TGM3: variants seen among roughly 807,000 people sequenced by gnomAD.
TGM3 encodes the protein protein-glutamine gamma-glutamyltransferase E.
Under a neutral mutation model 73.8 loss-of-function variants are expected in TGM3, and 52 were observed. That is an observed-to-expected ratio of 0.70 (90% confidence interval 0.56 to 0.89). TGM3 has a LOEUF of 0.89. Ranked by LOEUF, TGM3 falls within the 40% of genes least tolerant of loss-of-function variation. The probability of loss-of-function intolerance (pLI) is 0.00; values close to 1 mark genes in which losing one functional copy is unlikely to be tolerated. For missense variants in TGM3, 928 were observed against 909.9 expected (o/e 1.02, Z -0.26); for synonymous variants, 372 against 354.9 (o/e 1.05, Z -0.54).
intron 5 of TGM3, among the ~76,000 whole-genome samples, chr20:2,314,504 C>G (rs975168490): frequency 6.7e-6 from 1 of 148,832 alleles, no homozygotes; most frequent in African/African-American, 2.5e-5. Flanking sequence ...CCAGCCTGGA[C>G]AACATAGTGA....
At chr20:2,327,689 C>G (rs1328721465) in intron 8 of TGM3, among the ~76,000 whole-genome samples, 1 of 152,088 alleles carries the variant, frequency 6.6e-6, no homozygotes, top group East Asian at 1.9e-4. Context: ...AATGGTCAGG[C>G]TTGGGAGCTC....
intron 5 of TGM3, among the ~76,000 whole-genome samples, chr20:2,316,092 A>T (rs1296616191): frequency 6.6e-6 from 1 of 152,172 alleles, no homozygotes; most frequent in Non-Finnish European, 1.5e-5. Context: ...CCTAAAAGAC[A>T]ATGGAACTCA....
chr20:2,328,714 G>A lies in TGM3; in HGVS notation c.1333+349G>A, dbSNP rs923906588. ...TGGCCCCCATGAAAGGCCCCCAAGG[G>A]CTTTGGGAGAGATTTCTCCATCAGT... is the stretch of plus-strand genomic sequence containing the variant. On this transcript the variant is annotated intron_variant, in intron 9 of 12. Coordinates refer to ENST00000381458, the MANE Select transcript of TGM3 (RefSeq NM_003245.4). This position sits in a 1 kb window ranked among gnomAD's most constrained non-coding sequence, Gnocchi z 5.2. Among the ~76,000 whole-genome samples, 1 of 152,252 alleles carries A rather than the reference G, an allele frequency of 6.6e-6. No homozygotes were observed. Among genetic ancestry groups the A allele is most frequent in the African/African-American group, 2.4e-5 (1 of 41,468 alleles).
chr20:2,296,752 C>T (rs1365012849), intron 1 of TGM3, among the ~76,000 whole-genome samples: 1 of 152,144 alleles, frequency 6.6e-6, no homozygotes, highest in Admixed American at 6.5e-5. Flanking sequence ...CAGGTTCCCC[C>T]ACTCTATGCT....
rs145272149 is a variant in TGM3, at chr20:2,335,216, G to A, written c.1743G>A (p.Glu581=). 42 of 1,614,108 alleles carry A rather than the reference G, an allele frequency of 2.6e-5. No individual in the cohort carries two copies. In the African/African-American group the frequency reaches 4.4e-4, roughly 17 times the overall value. Reference sequence around the variant, plus strand: ...CAGCGGTGTGCAAGGTCCCAGATGAGTCTGAGGTGGTGGTGGAGCGGGACA... The same window carrying A: ...CAGCGGTGTGCAAGGTCCCAGATGAATCTGAGGTGGTGGTGGAGCGGGACA... The part of the protein sequence containing the change: ...RITAVCKVPD[E]SEVVVERDII... Residue 581 remains glutamate (E), a synonymous_variant, in exon 11 of 13, where the codon GAG becomes GAA. Coordinates refer to ENST00000381458, the MANE Select transcript of TGM3 (RefSeq NM_003245.4).
chr20:2,330,719 A>G (rs1289211842), intron 9 of TGM3, among the ~76,000 whole-genome samples: 1 of 152,176 alleles, frequency 6.6e-6, no homozygotes, highest in Non-Finnish European at 1.5e-5. Context: ...ACAATAAGTC[A>G]TCTGGGCCAG....
At chr20:2,326,779 G>A (rs562058415) in intron 8 of TGM3, among the ~76,000 whole-genome samples, 95 of 151,990 alleles carry the variant, frequency 6.3e-4, no homozygotes, top group Non-Finnish European at 8.5e-4. Context: ...CTCAGGAAAC[G>A]GAGGTAAAGC....
intron 7 of TGM3, among the ~76,000 whole-genome samples, chr20:2,317,755 T>C (rs1449637048): frequency 6.6e-6 from 1 of 151,968 alleles, no homozygotes; most frequent in Admixed American, 6.6e-5. Context: ...GGCTCCTAAA[T>C]TCACTCTGAA....
At chr20:2,300,401 GGTCTCAGAGATTCTAA>G (rs1454749574) in intron 1 of TGM3, among the ~76,000 whole-genome samples, 1 of 152,126 alleles carries the variant, frequency 6.6e-6, no homozygotes, top group Admixed American at 6.6e-5. Context: ...GAGAGCCTCT[GGTCTCAGAGATTCTAA>G]ACTCTCTCTT....
intron 5 of TGM3, among the ~76,000 whole-genome samples, chr20:2,316,658 G>A (rs770227463): frequency 6.6e-6 from 1 of 151,546 alleles, no homozygotes; most frequent in Non-Finnish European, 1.5e-5. Context: ...CACCAAAAAA[G>A]AGTTTCAAAC....
At chr20:2,299,918 C>CA (rs1474942730) in intron 1 of TGM3, among the ~76,000 whole-genome samples, 3 of 151,986 alleles carry the variant, frequency 2.0e-5, no homozygotes, top group Non-Finnish European at 4.4e-5. Context: ...GCCAATACGA[C>CA]AAAATCTCAT....
At chr20:2,316,682 G>A (rs1306170264) in intron 5 of TGM3, among the ~76,000 whole-genome samples, 1 of 152,136 alleles carries the variant, frequency 6.6e-6, no homozygotes, top group Non-Finnish European at 1.5e-5. Context: ...GGACTCCCAG[G>A]CAGACTGTGA....
Position 2,317,189 on chromosome 20 carries a change from G to T in TGM3, c.791G>T (p.Gly264Val). The change falls in exon 6 of 13, where the codon GGC becomes GTC. Residue 264 changes from glycine to valine, a missense_variant. Gly to Val is a moderately radical substitution (Grantham distance 109). Coordinates refer to ENST00000381458, the MANE Select transcript of TGM3 (RefSeq NM_003245.4). ...ATCCTCAAAAATTGGAAAAAATCTG[G>T]CTTCAGCCCAGTCCGATATGGCCAG... The part of the protein sequence containing the change: ...VEILKNWKKS[G>V]FSPVRYGQCW... 6.2e-7 allele frequency: 1 copy of T among 1,614,134 alleles called. No homozygotes were observed. Among genetic ancestry groups the T allele is most frequent in the Non-Finnish European group, 8.5e-7 (1 of 1,180,044 alleles).
Position 2,328,379 on chromosome 20 carries a change from T to C in TGM3, c.1333+14T>C, listed in dbSNP as rs377169558. ...AGTACCCAGAAGGTAGGAGGGACGC[T>C]GGCGGGGCAGTGCCGCGAGAGGTTC... On this transcript the variant is annotated intron_variant, in intron 9 of 12. Transcript: ENST00000381458. The surrounding 1 kb of genome is among the most constrained non-coding windows in gnomAD (Gnocchi z 5.2). The C allele has an allele frequency of 1.4e-4, 233 of 1,613,382 alleles. 1 individual carries two copies. Among genetic ancestry groups the C allele is most frequent in the Middle Eastern group, 3.3e-4 (2 of 6,060 alleles).
chr20:2,300,934 C>T (rs1226812686), intron 1 of TGM3, among the ~76,000 whole-genome samples: 1 of 152,000 alleles, frequency 6.6e-6, no homozygotes, highest in Non-Finnish European at 1.5e-5. Flanking sequence ...AACAATAACC[C>T]TAAGAGAGAA....
Position 2,340,655 on chromosome 20 carries a change from G to T in TGM3, c.*74G>T. The T allele has an allele frequency of 6.3e-7, 1 of 1,592,116 alleles. No homozygotes were observed. The highest frequency in any genetic ancestry group is 1.7e-4 in the Middle Eastern group (1 of 6,010). ...GAGCTCACCATGGAATGAACCCCCC[G>T]CCCATGCTGTCCGGCCTGGGAAACC... On this transcript the variant is annotated 3_prime_UTR_variant, in exon 13 of 13. Coordinates refer to ENST00000381458, the MANE Select transcript of TGM3 (RefSeq NM_003245.4).
At chr20:2,302,173 G>A (rs1430364948) in intron 1 of TGM3, among the ~76,000 whole-genome samples, 4 of 152,206 alleles carry the variant, frequency 2.6e-5, no homozygotes, top group Non-Finnish European at 4.4e-5. Context: ...CCTCTGTGGT[G>A]TGGTCCTCCC....
Position 2,325,963 on chromosome 20 carries a change from T to C in TGM3, c.1087+11T>C. On this transcript the variant is annotated intron_variant, in intron 8 of 12. Coordinates refer to ENST00000381458, the MANE Select transcript of TGM3 (RefSeq NM_003245.4). The stretch of plus-strand genomic sequence containing the variant: ...AGGAAAGAAGCCAAGGTAACTTCTC[T>C]GGGTGTGGTTCTGAGTCGTGAGCCT... 1 of 1,582,598 alleles carries C rather than the reference T, an allele frequency of 6.3e-7. No homozygotes were observed. The highest frequency in any genetic ancestry group is 2.3e-5 in the East Asian group (1 of 43,514).
chr20:2,320,898 T>C (rs1373052897), intron 7 of TGM3, among the ~76,000 whole-genome samples: 1 of 152,186 alleles, frequency 6.6e-6, no homozygotes, highest in Non-Finnish European at 1.5e-5. Context: ...TCTAGAGTCA[T>C]AGATCTGACT....
Sources: gnomAD v4.1 joint callset for allele counts (sites outside exome capture counted in the v4.1 genomes callset) on GRCh38, gnomAD v4.1.1 for gene constraint, Gnocchi (gnomAD v3.1) non-coding constraint, MANE v1.5 for transcripts, NCBI Gene and HGNC (gene_info 2026-07-23, HGNC 2026-07-21) for gene names.